The following PEX5L variants were observed in gnomAD, a reference collection of about 807,000 sequenced individuals.
PEX5L encodes PEX5-related protein.
Under a neutral mutation model 84.0 loss-of-function variants are expected in PEX5L, and 30 were observed. That is an observed-to-expected ratio of 0.36 (90% CI 0.27 to 0.48). The LOEUF is 0.48. Among genes scored for constraint, PEX5L ranks in the 20% least tolerant of loss-of-function variants. The pLI is 0.99. For synonymous variants in PEX5L, 270 were observed against 283.1 expected (o/e 0.95, Z 0.46); for missense variants, 533 against 754.6 (o/e 0.71, Z 3.44).
At chr3:179,849,810 T>G (rs1741080618) in intron 8 of PEX5L, among the ~76,000 whole-genome samples, 1 of 152,232 alleles carries the variant, frequency 6.6e-6, no homozygotes, top group Admixed American at 6.5e-5. Flanking sequence ...ATTGATGAGA[T>G]CACATCCAGA....
At position 179,928,115 on chromosome 3, in the gene PEX5L, C is replaced by T. The variant is rs77920844; in HGVS notation, c.94-29869G>A. ...TGGGTCCAGGGACTATCTGCCTGTTCCTTTCATATAATTGTTTAACATTTG... is the reference window on the plus strand; with the variant it reads ...TGGGTCCAGGGACTATCTGCCTGTTTCTTTCATATAATTGTTTAACATTTG... On this transcript the variant is annotated intron_variant, in intron 2 of 14. Transcript: ENST00000467460. Among the ~76,000 whole-genome samples the T allele has an allele frequency of 3.6e-3, 546 of 152,224 alleles. 3 individuals are homozygous for T. Among genetic ancestry groups the T allele is most frequent in the African/African-American group, 0.013 (533 of 41,538 alleles).
chr3:180,019,687 G>C (rs546907355), intron 1 of PEX5L, among the ~76,000 whole-genome samples: 144 of 152,238 alleles, frequency 9.5e-4, no homozygotes, highest in African/African-American at 3.3e-3. Flanking sequence ...GGAAATCAGA[G>C]AGATAAAAGG....
chr3:179,837,718 C>A (rs181277744), intron 8 of PEX5L, among the ~76,000 whole-genome samples: 2 of 152,338 alleles, frequency 1.3e-5, no homozygotes, highest in Admixed American at 1.3e-4. Flanking sequence ...GGAATTGCTA[C>A]CTACTAGCTG....
At chr3:179,867,294 C>T (rs1748681725) in intron 7 of PEX5L, among the ~76,000 whole-genome samples, 1 of 151,966 alleles carries the variant, frequency 6.6e-6, no homozygotes, top group Admixed American at 6.6e-5. Flanking sequence ...TTTTTTCCTG[C>T]CCTTTAATTA....
At chr3:180,013,277 T>G (rs181000926) in intron 1 of PEX5L, among the ~76,000 whole-genome samples, 33 of 152,206 alleles carry the variant, frequency 2.2e-4, no homozygotes, top group African/African-American at 8.0e-4. Flanking sequence ...TTCATGTGTG[T>G]GCACACAAGT....
At chr3:179,988,971 A>C (rs1787128711) in intron 1 of PEX5L, among the ~76,000 whole-genome samples, 1 of 152,236 alleles carries the variant, frequency 6.6e-6, no homozygotes, top group African/African-American at 2.4e-5. Flanking sequence ...TAAAACTTCA[A>C]AATGCAAGTA....
At chr3:179,886,983 C>T (rs573068702) in intron 4 of PEX5L, among the ~76,000 whole-genome samples, 6 of 152,074 alleles carry the variant, frequency 3.9e-5, no homozygotes, top group Non-Finnish European at 8.8e-5. Flanking sequence ...TGAATGCTGA[C>T]CAAATGAAAT....
intron 1 of PEX5L, among the ~76,000 whole-genome samples, chr3:180,030,500 T>C (rs1791354386): frequency 6.6e-6 from 1 of 152,158 alleles, no homozygotes; most frequent in Admixed American, 6.5e-5. Flanking sequence ...TTCAAATACT[T>C]ATATAGAGTC....
intron 2 of PEX5L, among the ~76,000 whole-genome samples, chr3:179,928,961 T>G (rs1455033957): frequency 6.6e-6 from 1 of 152,188 alleles, no homozygotes; most frequent in Non-Finnish European, 1.5e-5. Flanking sequence ...GTCCCTGTCA[T>G]TAGTGTGAGT....
intron 1 of PEX5L, among the ~76,000 whole-genome samples, chr3:179,984,945 A>G (rs539759360): frequency 9.1e-4 from 139 of 152,358 alleles, no homozygotes; most frequent in Admixed American, 3.2e-3. Context: ...TTGTCTATCT[A>G]GAAAGTGCTT....
rs975535193 is a variant in PEX5L at position 179,899,103 on chromosome 3, T to C, written c.94-857A>G. ...TGTTATTTGTCTCAAAGAAGTAGAA[T>C]TATAAACTGTAAAGGGATATGGTGG... On this transcript the variant is annotated intron_variant, in intron 2 of 14. Transcript: ENST00000467460. Among the ~76,000 whole-genome samples, 8 of 152,032 alleles carry C rather than the reference T, an allele frequency of 5.3e-5. No homozygotes were observed. The South Asian group carries it at 8.3e-4, about 16-fold the overall frequency.
chr3:179,819,626 ACTGT>A (rs1261252804), intron 9 of PEX5L, among the ~76,000 whole-genome samples: 2 of 152,144 alleles, frequency 1.3e-5, no homozygotes, highest in African/African-American at 2.4e-5. Context: ...CAGCTGCCAA[ACTGT>A]CTGTCTGAAC....
At chr3:179,917,762 C>A (rs937736093) in intron 2 of PEX5L, among the ~76,000 whole-genome samples, 4 of 152,234 alleles carry the variant, frequency 2.6e-5, no homozygotes, top group Non-Finnish European at 5.9e-5. Context: ...TGGGTTCAAG[C>A]GATTCTCCTG....
At chr3:179,990,580 T>G (rs1476177862) in intron 1 of PEX5L, among the ~76,000 whole-genome samples, 1 of 152,186 alleles carries the variant, frequency 6.6e-6, no homozygotes, top group East Asian at 1.9e-4. Context: ...TAAAAAAATA[T>G]TTTGTAGAGA....
At chr3:179,978,777 G>A (rs906825648) in intron 1 of PEX5L, among the ~76,000 whole-genome samples, 3 of 152,126 alleles carry the variant, frequency 2.0e-5, no homozygotes, top group African/African-American at 7.2e-5. Context: ...ATTAAGTGTT[G>A]TATAGGTCCC....
intron 5 of PEX5L, among the ~76,000 whole-genome samples, chr3:179,878,242 A>G (rs1160224232): frequency 6.6e-6 from 1 of 152,130 alleles, no homozygotes; most frequent in Non-Finnish European, 1.5e-5. Flanking sequence ...TATACATATT[A>G]TCTTTGTTTC....
intron 4 of PEX5L, among the ~76,000 whole-genome samples, chr3:179,880,644 G>T (rs1262007783): frequency 6.6e-6 from 1 of 152,120 alleles, no homozygotes; most frequent in African/African-American, 2.4e-5. Flanking sequence ...ACCCAAGAGA[G>T]GTATTTTATA....
intron 1 of PEX5L, among the ~76,000 whole-genome samples, chr3:180,006,732 A>G (rs1014218749): frequency 6.6e-6 from 1 of 152,190 alleles, no homozygotes; most frequent in Non-Finnish European, 1.5e-5. Flanking sequence ...AAAATGAGGA[A>G]GAAGCAAAAG....
chr3:180,020,585 T>A (rs57313970), intron 1 of PEX5L, among the ~76,000 whole-genome samples: 19,347 of 152,108 alleles, frequency 0.13, 1,349 homozygotes, highest in African/African-American at 0.19. Context: ...CCCACAGAGA[T>A]AAAGTGATGT....
Sources: allele counts gnomAD v4.1 joint callset (sites outside exome capture counted in the v4.1 genomes callset), GRCh38; gene constraint gnomAD v4.1.1; transcripts MANE v1.5; gene names NCBI Gene and HGNC (gene_info 2026-07-23, HGNC 2026-07-21).